CNTNAP2: variants seen among roughly 807,000 people sequenced by gnomAD.
The protein encoded by CNTNAP2 is contactin-associated protein-like 2.
Under a neutral mutation model 155.2 loss-of-function variants are expected in CNTNAP2, and 98 were observed. That is an observed-to-expected ratio of 0.63 (90% CI 0.54 to 0.75). The LOEUF is 0.75. CNTNAP2 is among the 30% of genes least tolerant of loss of function. CNTNAP2 has a pLI of 0.00. For synonymous variants in CNTNAP2, 651 were observed against 631.2 expected (o/e 1.03, Z -0.47); for missense variants, 1,727 against 1,688.1 (o/e 1.02, Z -0.40).
intron 8 of CNTNAP2, among the ~76,000 whole-genome samples, chr7:147,242,176 C>G (rs1440335190): frequency 2.0e-5 from 3 of 152,166 alleles, no homozygotes; most frequent in Non-Finnish European, 4.4e-5. Context: ...TATTCTACCT[C>G]AACATCTTTA....
At chr7:147,714,777 A>G (rs988637456) in intron 13 of CNTNAP2, among the ~76,000 whole-genome samples, 1 of 151,738 alleles carries the variant, frequency 6.6e-6, no homozygotes, top group East Asian at 1.9e-4. Flanking sequence ...ACTAATCAAG[A>G]TATTTAACTG....
intron 8 of CNTNAP2, among the ~76,000 whole-genome samples, chr7:147,239,555 C>T (rs1207530880): frequency 6.7e-6 from 1 of 150,196 alleles, no homozygotes; most frequent in East Asian, 2.0e-4. Flanking sequence ...GCATTCATGA[C>T]TGTGCATACA....
intron 21 of CNTNAP2, among the ~76,000 whole-genome samples, chr7:148,287,903 T>C (rs1797111942): frequency 6.7e-6 from 1 of 149,324 alleles, no homozygotes; most frequent in South Asian, 2.2e-4. Context: ...TTGATTCTCC[T>C]ACTTCAGCCT....
chr7:148,240,846 A>G lies in CNTNAP2; in HGVS notation c.3381+11067A>G, dbSNP rs564281100. Among the ~76,000 whole-genome samples the G allele has an allele frequency of 3.8e-3, 277 of 72,340 alleles. 2 individuals are homozygous for G. Among genetic ancestry groups the G allele is most frequent in the Non-Finnish European group, 6.0e-3 (183 of 30,736 alleles). The allele number at this position is 72,340 out of a possible 152,430, so 47.5% of individuals were successfully genotyped here. On this transcript the variant is annotated intron_variant, in intron 20 of 23. Transcript: ENST00000361727. ...TGGAGTCCAATGTTTGAGGGCAGGA[A>G]GCATCCCAGCATGGGAGAAAGATGA...
intron 1 of CNTNAP2, among the ~76,000 whole-genome samples, chr7:146,439,101 A>G (rs1208451519): frequency 6.6e-6 from 1 of 151,588 alleles, no homozygotes; most frequent in Non-Finnish European, 1.5e-5. Context: ...AGGTGGATGG[A>G]GTATCTTAAC....
At chr7:148,195,285 A>G (rs560361447) in intron 18 of CNTNAP2, among the ~76,000 whole-genome samples, 2 of 152,342 alleles carry the variant, frequency 1.3e-5, no homozygotes, top group South Asian at 4.1e-4. Context: ...TATTTGATGA[A>G]TGAGCATTTT....
At chr7:148,368,793 T>G (rs970849076) in intron 21 of CNTNAP2, among the ~76,000 whole-genome samples, 2 of 152,154 alleles carry the variant, frequency 1.3e-5, no homozygotes, top group Non-Finnish European at 2.9e-5. Context: ...TGACAGGGGC[T>G]GCATGCACCG....
intron 1 of CNTNAP2, among the ~76,000 whole-genome samples, chr7:146,434,236 G>C (rs2129117655): frequency 6.6e-6 from 1 of 152,148 alleles, no homozygotes; most frequent in Non-Finnish European, 1.5e-5. Context: ...GTTACATTTG[G>C]GTTGGTTCTA....
rs1294722491 is a variant in CNTNAP2 at position 146,947,591 on chromosome 7, AT to A, written c.403-96315del. ...TATATATATACATATATATATATAT[AT>A]ATATATGTATATATCTTTCAAAATA... On this transcript the variant is annotated intron_variant, in intron 3 of 23. Transcript: ENST00000361727. Among the ~76,000 whole-genome samples, 3 of 138,334 alleles carry A rather than the reference AT, an allele frequency of 2.2e-5. No homozygotes were observed. In the East Asian group the frequency reaches 6.1e-4, roughly 28 times the overall value. 90.8% of individuals were successfully genotyped at this position (138,334 alleles called of 152,430 possible).
At chr7:148,286,173 G>A (rs1054324173) in intron 21 of CNTNAP2, among the ~76,000 whole-genome samples, 4 of 152,196 alleles carry the variant, frequency 2.6e-5, no homozygotes, top group Admixed American at 6.5e-5. Context: ...GCAGAGGCAG[G>A]AGAAAATCTA....
At chr7:147,386,588 A>G (rs951888356) in intron 9 of CNTNAP2, among the ~76,000 whole-genome samples, 1 of 152,178 alleles carries the variant, frequency 6.6e-6, no homozygotes, top group Non-Finnish European at 1.5e-5. Context: ...TCCAGTTCCC[A>G]GCAAGTTCCT....
chr7:146,897,243 T>C (rs1362511205), intron 3 of CNTNAP2, among the ~76,000 whole-genome samples: 1 of 152,090 alleles, frequency 6.6e-6, no homozygotes, highest in African/African-American at 2.4e-5. Flanking sequence ...TTTACGTAAC[T>C]TGTCTGACAT....
chr7:147,116,717 T>C (rs1182810657), intron 5 of CNTNAP2, among the ~76,000 whole-genome samples: 1 of 150,992 alleles, frequency 6.6e-6, no homozygotes, highest in African/African-American at 2.4e-5. Context: ...CCTCCCTTGG[T>C]CACTCCATCC....
At position 146,389,119 on chromosome 7, in the gene CNTNAP2, C is replaced by T. The variant is rs111357678; in HGVS notation, c.97+272146C>T. On this transcript the variant is annotated intron_variant, in intron 1 of 23. Coordinates refer to ENST00000361727, the MANE Select transcript of CNTNAP2 (RefSeq NM_014141.6). ...TGGTGAAATAACAGTGTCTTTGTCA[C>T]GTGATTATTATATTCGCAAAAGGCT... Among the ~76,000 whole-genome samples the T allele has an allele frequency of 3.5e-3, 534 of 152,170 alleles. 1 individual carries two copies. Among genetic ancestry groups the T allele is most frequent in the Non-Finnish European group, 6.0e-3 (408 of 68,008 alleles).
At chr7:147,915,105 G>A (rs1262399670) in intron 14 of CNTNAP2, among the ~76,000 whole-genome samples, 1 of 152,044 alleles carries the variant, frequency 6.6e-6, no homozygotes, top group Non-Finnish European at 1.5e-5. Flanking sequence ...CAGCATCCCA[G>A]TACATAATAA....
intron 13 of CNTNAP2, chr7:147,850,040 A>G (rs1185282181): frequency 6.6e-6 from 1 of 152,224 alleles, no homozygotes; most frequent in Non-Finnish European, 1.5e-5. Context: ...TATATGTATT[A>G]CTGGGGAAGA....
At chr7:147,594,273 G>C (rs371844728) in intron 12 of CNTNAP2, among the ~76,000 whole-genome samples, 1 of 151,790 alleles carries the variant, frequency 6.6e-6, no homozygotes, top group Non-Finnish European at 1.5e-5. Flanking sequence ...CCACAGGCGC[G>C]CACCACCATG....
intron 4 of CNTNAP2, among the ~76,000 whole-genome samples, chr7:147,071,682 T>C (rs1163611075): frequency 6.6e-6 from 1 of 152,048 alleles, no homozygotes; most frequent in East Asian, 1.9e-4. Flanking sequence ...GAGTGAGACA[T>C]GTGGAAAAGA....
At chr7:148,251,736 C>G (rs911454610) in intron 20 of CNTNAP2, among the ~76,000 whole-genome samples, 2 of 152,208 alleles carry the variant, frequency 1.3e-5, no homozygotes, top group African/African-American at 4.8e-5. Context: ...AGCAGGTTCC[C>G]TATTCCTGGA....
Sources: allele counts gnomAD v4.1 joint callset (sites outside exome capture counted in the v4.1 genomes callset), GRCh38; gene constraint gnomAD v4.1.1; transcripts MANE v1.5; gene names NCBI Gene and HGNC (gene_info 2026-07-23, HGNC 2026-07-21).